Variants in FANCC observed in about 807,000 individuals in gnomAD.
FANCC encodes the protein FA complementation group C, also known as Fanconi anemia group C protein.
A neutral mutation model predicts 71.3 loss-of-function variants in FANCC; 55 were observed. The ratio of observed to expected loss-of-function variants is 0.77; its 90% confidence interval spans 0.62 to 0.97. The LOEUF (loss-of-function observed/expected upper bound fraction) is 0.97. Among genes scored for constraint, FANCC ranks in the 50% least tolerant of loss-of-function variants. The pLI is 0.00. For missense variants in FANCC, 678 were observed against 670.9 expected, an observed-to-expected ratio of 1.01 and a Z score of -0.12; for synonymous variants, 275 against 244.9, an observed-to-expected ratio of 1.12 and a Z score of -1.15.
intron 1 of FANCC, among the ~76,000 whole-genome samples, chr9:95,278,795 T>TTAAGCGAGCATAAGTCTGAAACG (rs142051275): frequency 1.0e-3 from 1 of 970 alleles, no homozygotes; most frequent in Non-Finnish European, 2.6e-3. Context: ...ATCACGGTAA[T>TTAAGCGAGCATAAGTCTGAAACG]TATTCTACGG....
At chr9:95,162,601 C>T (rs538125858) in intron 6 of FANCC, among the ~76,000 whole-genome samples, 188 of 152,202 alleles carry the variant, frequency 1.2e-3, no homozygotes, top group Non-Finnish European at 2.5e-3. Flanking sequence ...AAGTACTCCA[C>T]ATCCTCATCA....
intron 6 of FANCC, among the ~76,000 whole-genome samples, chr9:95,163,029 G>A (rs551503577): frequency 6.2e-4 from 94 of 152,174 alleles, no homozygotes; most frequent in African/African-American, 2.1e-3. Flanking sequence ...AGATCATTGC[G>A]AAGTCCAATG....
chr9:95,267,437 G>A (rs1162660751), intron 1 of FANCC, among the ~76,000 whole-genome samples: 1 of 152,164 alleles, frequency 6.6e-6, no homozygotes, highest in Admixed American at 6.6e-5. Flanking sequence ...GAGACAAGCA[G>A]AATGAGGCTA....
At position 95,257,452 on chromosome 9, in the gene FANCC, A is replaced by C. The variant is rs374789905; in HGVS notation, c.-78-8083T>G. Among the ~76,000 whole-genome samples the C allele has an allele frequency of 3.3e-5, 5 of 152,384 alleles. No homozygotes were observed. The East Asian group carries it at 7.7e-4, about 24-fold the overall frequency. ...GACTACTGGGTAAATAATGAAATGAAGGCAGAAATAAAGAAGTTATTTGAA... is the reference window on the plus strand; with the variant it reads ...GACTACTGGGTAAATAATGAAATGACGGCAGAAATAAAGAAGTTATTTGAA... On this transcript the variant is annotated intron_variant, in intron 1 of 14. Coordinates refer to ENST00000289081, the MANE Select transcript of FANCC (RefSeq NM_000136.3).
rs1064793605 is a variant in FANCC at position 95,172,068 on chromosome 9, G to T, written c.425C>A (p.Pro142His). The change falls in exon 5 of 15, where the codon CCT becomes CAT. Residue 142 changes from proline (P) to histidine (H), a missense_variant. Pro to His is a moderately conservative substitution (Grantham distance 77, BLOSUM62 -2). Transcript: ENST00000289081. ...ALFTQGLGYA[P>H]IDYYPGLLKN... ...AAGCAAACCAGGATAGTAATCTATA[G>T]GTGCATACCCAAGACCTTGAGTGAA... 1.2e-6 allele frequency: 2 copies of T among 1,611,764 alleles called. No homozygotes were observed. The highest frequency in any genetic ancestry group is 1.7e-6 in the Non-Finnish European group (2 of 1,178,056).
At position 95,180,364 on chromosome 9, in the gene FANCC, T is replaced by G. The variant is rs1183112429; in HGVS notation, c.346-8217A>C. On this transcript the variant is annotated intron_variant, in intron 4 of 14. Coordinates refer to ENST00000289081, the MANE Select transcript of FANCC (RefSeq NM_000136.3). Reference sequence around the variant, plus strand: ...CTTTTTTTTTTTTTTTTTTTTTTTTTGAGACAGGGTATTGCTCTGCTCTGT... The same window carrying G: ...CTTTTTTTTTTTTTTTTTTTTTTTTGGAGACAGGGTATTGCTCTGCTCTGT... Among the ~76,000 whole-genome samples, 8 of 119,950 alleles carry G rather than the reference T, an allele frequency of 6.7e-5. No homozygotes were observed. In the East Asian group the frequency reaches 1.7e-3, roughly 25 times the overall value. 78.7% of individuals were successfully genotyped at this position (119,950 alleles called of 152,430 possible). A position where few individuals can be genotyped will look rare whatever the true frequency, so the allele number is the denominator to read the frequency against.
intron 12 of FANCC, among the ~76,000 whole-genome samples, chr9:95,112,300 T>G (rs2134570743): frequency 1.3e-5 from 2 of 152,268 alleles, no homozygotes; most frequent in Admixed American, 1.3e-4. Context: ...CAGCCTGAGA[T>G]CACATTAGAT....
At chr9:95,158,466 A>C (rs925028780) in intron 6 of FANCC, among the ~76,000 whole-genome samples, 1 of 152,222 alleles carries the variant, frequency 6.6e-6, no homozygotes, top group African/African-American at 2.4e-5. Flanking sequence ...GAAAAGGTGA[A>C]TATTTGAGGA....
Position 95,269,066 on chromosome 9 carries a change from T to C in FANCC, c.-78-19697A>G, listed in dbSNP as rs550772782. 2.6e-5 allele frequency among the ~76,000 whole-genome samples: 4 copies of C among 152,334 alleles called. No homozygotes were observed. In the South Asian group the frequency reaches 6.2e-4, roughly 24 times the overall value. ...TTCAATCTAGTTGGCTGTGTCTCTT[T>C]CTTTTAAAACTAGAACCCTTGCCAA... is the stretch of plus-strand genomic sequence containing the variant. On this transcript the variant is annotated intron_variant, in intron 1 of 14. Coordinates refer to ENST00000289081, the MANE Select transcript of FANCC (RefSeq NM_000136.3).
intron 1 of FANCC, among the ~76,000 whole-genome samples, chr9:95,283,812 C>T (rs1229361434): frequency 2.6e-5 from 4 of 152,192 alleles, no homozygotes; most frequent in Non-Finnish European, 5.9e-5. Context: ...TTCTTTTCAT[C>T]TAATAAATGT....
chr9:95,276,206 T>A (rs1167246652), intron 1 of FANCC, among the ~76,000 whole-genome samples: 3 of 152,202 alleles, frequency 2.0e-5, no homozygotes, highest in African/African-American at 7.2e-5. Flanking sequence ...GAATGAATTT[T>A]CAACGTCAAC....
intron 2 of FANCC, among the ~76,000 whole-genome samples, chr9:95,248,186 C>T (rs1214441532): frequency 6.6e-6 from 1 of 152,210 alleles, no homozygotes; most frequent in Non-Finnish European, 1.5e-5. Context: ...CCTTTTTCCA[C>T]TTGTTACCTT....
rs190951743 is a variant in FANCC at position 95,224,460 on chromosome 9, C to G, written c.345+16189G>C. On this transcript the variant is annotated intron_variant, in intron 4 of 14. Transcript: ENST00000289081. ...CAAGATAATGCATGCATAACACATA[C>G]CAAGCATTCAGTTAACAGTAATACC... 1.1e-4 allele frequency among the ~76,000 whole-genome samples: 16 copies of G among 151,988 alleles called. No homozygotes were observed. In the East Asian group the frequency reaches 2.9e-3, roughly 28 times the overall value.
Position 95,184,711 on chromosome 9 carries a change from G to C in FANCC, c.346-12564C>G, listed in dbSNP as rs4647486. On this transcript the variant is annotated intron_variant, in intron 4 of 14. Transcript: ENST00000289081. ...TCCAAAATTCACATGGAGAAGCAAGGGGCCAAGAACAGCACATGCTAAGGG... is the reference window on the plus strand; with the variant it reads ...TCCAAAATTCACATGGAGAAGCAAGCGGCCAAGAACAGCACATGCTAAGGG... 3.3e-3 allele frequency among the ~76,000 whole-genome samples: 507 copies of C among 152,248 alleles called. 9 individuals are homozygous for C. The East Asian group carries it at 0.044, about 13-fold the overall frequency.
chr9:95,187,227 G>A (rs1272077111), intron 4 of FANCC, among the ~76,000 whole-genome samples: 1 of 152,190 alleles, frequency 6.6e-6, no homozygotes, highest in South Asian at 2.1e-4. Context: ...TCTCCCATCT[G>A]ATGCTGCTGT....
chr9:95,208,077 C>CTTTT (rs58961733), intron 4 of FANCC, among the ~76,000 whole-genome samples: 3 of 47,656 alleles, frequency 6.3e-5, no homozygotes, highest in African/African-American at 1.9e-4. Context: ...ATCCAGAAGC[C>CTTTT]TTTTTTTTTT....
chr9:95,232,745 G>C (rs1830085164), intron 4 of FANCC, among the ~76,000 whole-genome samples: 3 of 152,036 alleles, frequency 2.0e-5, no homozygotes. Flanking sequence ...CTTGATCCAG[G>C]GTCCACACAA....
intron 4 of FANCC, among the ~76,000 whole-genome samples, chr9:95,191,390 T>TACC (rs150014648): frequency 0.034 from 4,483 of 133,080 alleles, 243 homozygotes; most frequent in African/African-American, 0.12. Context: ...TGGAGTGCAG[T>TACC]GGTGTGATCT....
At chr9:95,261,937 G>A (rs1668770074) in intron 1 of FANCC, among the ~76,000 whole-genome samples, 1 of 152,134 alleles carries the variant, frequency 6.6e-6, no homozygotes, top group Admixed American at 6.5e-5. Context: ...ACCAGCCATG[G>A]GGCCATGCAA....
Sources: allele counts gnomAD v4.1 joint callset (sites outside exome capture counted in the v4.1 genomes callset), GRCh38; gene constraint gnomAD v4.1.1; transcripts MANE v1.5; gene names NCBI Gene and HGNC (gene_info 2026-07-23, HGNC 2026-07-21).